Variants in ALPK1 observed in about 807,000 individuals in gnomAD.
ALPK1 encodes the protein alpha-protein kinase 1.
A neutral mutation model predicts 120.6 loss-of-function variants in ALPK1; 110 were observed. The observed-to-expected ratio is 0.91, with a 90% CI of 0.78 to 1.07. The LOEUF is 1.07. Ranked by LOEUF, ALPK1 falls within the 50% of genes least tolerant of loss-of-function variation. The probability of loss-of-function intolerance (pLI) is 0.00; values close to 1 mark genes in which losing one functional copy is unlikely to be tolerated. For missense variants in ALPK1, 1,498 were observed against 1,483.9 expected (o/e 1.01, Z -0.16); for synonymous variants, 582 against 560.3 (o/e 1.04, Z -0.55).
chr4:112,411,804 G>C, intron 4 of ALPK1, 23 bp from the exon 5 acceptor site: 1 of 1,593,774 alleles, frequency 6.3e-7, no homozygotes, highest in Non-Finnish European at 8.5e-7. Context: ...CCTGGCTCAC[G>C]ATGTTCCACG....
At position 112,432,606 on chromosome 4, in the gene ALPK1, C is replaced by T. The variant is rs577392033; in HGVS notation, c.3034+25C>T. 3.4e-5 allele frequency: 54 copies of T among 1,590,076 alleles called. No individual in the cohort carries two copies. In the South Asian group the frequency reaches 4.1e-4, roughly 12 times the overall value. ...AGTAAGTACAATCTTTTCAATAGTT[C>T]CCCCCTCAGGAAGCAGCTGTGTTGG... On this transcript the variant is annotated intron_variant, in intron 11 of 15. Coordinates refer to ENST00000650871, the MANE Select transcript of ALPK1 (RefSeq NM_025144.4).
intron 2 of ALPK1, among the ~76,000 whole-genome samples, chr4:112,373,877 T>C (rs1731530698): frequency 6.6e-6 from 1 of 152,250 alleles, no homozygotes; most frequent in South Asian, 2.1e-4. Flanking sequence ...TAAGAAATGC[T>C]TTATTGCTAA....
chr4:112,432,125 A>G lies in ALPK1; in HGVS notation c.2578A>G (p.Ser860Gly). 1 of 1,614,200 alleles carries G rather than the reference A, an allele frequency of 6.2e-7. No individual in the cohort carries two copies. Among genetic ancestry groups the G allele is most frequent in the Non-Finnish European group, 8.5e-7 (1 of 1,180,016 alleles). Residue 860 changes from serine to glycine, a missense_variant, in exon 11 of 16, where the codon AGC (serine) becomes GGC (glycine). Transcript: ENST00000650871. ...GGATGAGGAGGGGCAACTGCTCGAC[A>G]GCATGGATGTTCCCTGCACAAATGG... ...TVDEEGQLLD[S>G]MDVPCTNGHG...
chr4:112,357,061 G>T, intron 2 of ALPK1: 1 of 927,178 alleles, frequency 1.1e-6, no homozygotes, highest in Admixed American at 1.8e-5. Context: ...TGAACATGGA[G>T]CTGGAAGACA....
chr4:112,299,584 G>T (rs1727697729), intron 1 of ALPK1, among the ~76,000 whole-genome samples: 1 of 152,144 alleles, frequency 6.6e-6, no homozygotes, highest in Non-Finnish European at 1.5e-5. Context: ...TAAAGTTTCA[G>T]ACATGCTACA....
intron 2 of ALPK1, among the ~76,000 whole-genome samples, chr4:112,351,607 G>A (rs991894902): frequency 6.6e-6 from 1 of 151,928 alleles, no homozygotes; most frequent in African/African-American, 2.4e-5. Context: ...CCGAGTAACT[G>A]AGATTACAAG....
intron 2 of ALPK1, among the ~76,000 whole-genome samples, chr4:112,316,983 A>G (rs1728663945): frequency 1.3e-5 from 2 of 152,062 alleles, no homozygotes; most frequent in South Asian, 4.1e-4. Flanking sequence ...CAACAAAAAA[A>G]CTTTAGTGGA....
At chr4:112,303,977 C>T (rs1376585554) in intron 1 of ALPK1, among the ~76,000 whole-genome samples, 3 of 152,074 alleles carry the variant, frequency 2.0e-5, no homozygotes, top group Admixed American at 1.3e-4. Context: ...TCAGTTCCCA[C>T]CTATGAGTGA....
chr4:112,377,704 T>C lies in ALPK1; in HGVS notation c.-74T>C. The C allele has an allele frequency of 7.1e-7, 1 of 1,400,830 alleles. No homozygotes were observed. Among genetic ancestry groups the C allele is most frequent in the Non-Finnish European group, 9.5e-7 (1 of 1,055,740 alleles). The allele number at this position is 1,400,830 out of a possible 1,614,324, so 86.8% of individuals were successfully genotyped here. ...TACTTCGGCCTTCAAGGGGCTCCTT[T>C]ATTGAGAATCAATGTCTTCTCCTAG... On this transcript the variant is annotated 5_prime_UTR_variant, in exon 3 of 16. Transcript: ENST00000650871.
intron 2 of ALPK1, among the ~76,000 whole-genome samples, chr4:112,345,101 G>C (rs1405290320): frequency 6.6e-6 from 1 of 152,134 alleles, no homozygotes; most frequent in Non-Finnish European, 1.5e-5. Context: ...GTAAAAGTAG[G>C]CATGGCTGCC....
intron 3 of ALPK1, among the ~76,000 whole-genome samples, chr4:112,382,037 A>G (rs1731935969): frequency 6.6e-6 from 1 of 152,220 alleles, no homozygotes; most frequent in Non-Finnish European, 1.5e-5. Context: ...ATGCCATTCC[A>G]TTTCAGTCCC....
chr4:112,358,796 G>T, intron 2 of ALPK1: 1 of 827,644 alleles, frequency 1.2e-6, no homozygotes, highest in East Asian at 2.4e-5. Flanking sequence ...TGGTGGCCAT[G>T]AAGTAGGAGC....
intron 1 of ALPK1, among the ~76,000 whole-genome samples, chr4:112,303,476 T>C (rs570970162): frequency 1.3e-5 from 2 of 152,344 alleles, no homozygotes; most frequent in South Asian, 4.1e-4. Context: ...CTAATCAATT[T>C]TGAAGTCACA....
intron 2 of ALPK1, among the ~76,000 whole-genome samples, chr4:112,348,621 AGGCGGTTCTCC>A (rs1188651504): frequency 6.6e-6 from 1 of 152,188 alleles, no homozygotes; most frequent in African/African-American, 2.4e-5. Flanking sequence ...GCGGACATCC[AGGCGGTTCTCC>A]GTTACCATCT....
intron 2 of ALPK1, among the ~76,000 whole-genome samples, chr4:112,340,750 G>A (rs754104223): frequency 2.0e-5 from 3 of 152,200 alleles, no homozygotes. Context: ...TTTCCACATA[G>A]TGCTTTTACT....
intron 2 of ALPK1, among the ~76,000 whole-genome samples, chr4:112,318,778 G>C (rs1388779550): frequency 6.6e-6 from 1 of 152,250 alleles, no homozygotes; most frequent in Non-Finnish European, 1.5e-5. Flanking sequence ...GTCACCCACA[G>C]AAGTCACAGT....
chr4:112,431,305 A>C lies in ALPK1; in HGVS notation c.1758A>C (p.Leu586Phe), dbSNP rs781592281. The C allele has an allele frequency of 6.2e-7, 1 of 1,614,184 alleles. No homozygotes were observed. The highest frequency in any genetic ancestry group is 1.1e-5 in the South Asian group (1 of 91,082). ...GSQTSSAWSN[L>F]SGFSSSASWE... ...AGACTTCCAGTGCTTGGAGCAACTT[A>C]TCAGGGTTTAGTTCCTCTGCAAGCT... Residue 586 changes from leucine (L) to phenylalanine (F), a missense_variant, in exon 11 of 16, where the codon TTA becomes TTC. Coordinates refer to ENST00000650871, the MANE Select transcript of ALPK1 (RefSeq NM_025144.4).
rs1362163503 is a variant in ALPK1 at position 112,431,778 on chromosome 4, T to C, written c.2231T>C (p.Phe744Ser). ...THPSVQKEEA[F>S]EIIVEFPETN... The stretch of plus-strand genomic sequence containing the variant: ...CCTTCAGTCCAAAAAGAAGAAGCCT[T>C]TGAAATAATTGTTGAGTTTCCAGAA... The change falls in exon 11 of 16, where the codon TTT becomes TCT. Residue 744 changes from phenylalanine (F) to serine (S), a missense_variant. Phe to Ser is a radical substitution (Grantham distance 155, BLOSUM62 -2). Transcript: ENST00000650871. 1.2e-6 allele frequency: 2 copies of C among 1,614,034 alleles called. No individual in the cohort carries two copies. The highest frequency in any genetic ancestry group is 8.5e-7 in the Non-Finnish European group (1 of 1,180,044).
chr4:112,410,596 A>G (rs1050856770), intron 4 of ALPK1, among the ~76,000 whole-genome samples: 2 of 152,212 alleles, frequency 1.3e-5, no homozygotes, highest in Non-Finnish European at 2.9e-5. Context: ...ATGAATAAAC[A>G]TGCCCAGAAA....
Sources: allele counts gnomAD v4.1 joint callset (sites outside exome capture counted in the v4.1 genomes callset), GRCh38; gene constraint gnomAD v4.1.1; transcripts MANE v1.5; gene names NCBI Gene and HGNC (gene_info 2026-07-23, HGNC 2026-07-21).